DGKI: variants seen among roughly 807,000 people sequenced by gnomAD.
DGKI encodes diacylglycerol kinase iota.
In DGKI, 55 loss-of-function variants were observed where a neutral mutation model predicts 147.5. That is an observed-to-expected ratio of 0.37 (90% CI 0.30 to 0.47). The LOEUF is 0.47. Among genes scored for constraint, DGKI ranks in the 20% least tolerant of loss-of-function variants. The pLI, the probability that DGKI is intolerant of heterozygous loss-of-function variation, is 1.00. For missense variants in DGKI, 1,007 were observed against 1,323.8 expected (o/e 0.76, Z 3.71); for synonymous variants, 469 against 477.1 (o/e 0.98, Z 0.22).
chr7:137,571,593 T>C (rs1339391103), intron 18 of DGKI, among the ~76,000 whole-genome samples: 2 of 152,182 alleles, frequency 1.3e-5, no homozygotes, highest in African/African-American at 2.4e-5. Flanking sequence ...GAATTATCTA[T>C]AGGTGGTTTC....
chr7:137,493,851 A>G lies in DGKI; in HGVS notation c.2249-6162T>C, dbSNP rs139006647. On this transcript the variant is annotated intron_variant, in intron 21 of 32. Transcript: ENST00000614521. ...GTCTGAAATAGCTGAAATGACAGAA[A>G]TAGAATCAGAATATGGACAGGAATG... 7.2e-5 allele frequency: 50 copies of G among 697,152 alleles called. No homozygotes were observed. In the East Asian group the frequency reaches 1.3e-3, roughly 19 times the overall value. 43.2% of individuals were successfully genotyped at this position (697,152 alleles called of 1,614,324 possible).
At chr7:137,518,911 A>G (rs756782946) in intron 21 of DGKI, among the ~76,000 whole-genome samples, 1 of 152,092 alleles carries the variant, frequency 6.6e-6, no homozygotes, top group Non-Finnish European at 1.5e-5. Context: ...TGATTTTCTG[A>G]TATCATTATT....
chr7:137,656,064 C>T (rs960171588), intron 4 of DGKI, among the ~76,000 whole-genome samples: 1 of 152,174 alleles, frequency 6.6e-6, no homozygotes, highest in African/African-American at 2.4e-5. Context: ...TTTAGGAAGA[C>T]GTAAACCACA....
At chr7:137,409,323 C>T (rs1812077243) in intron 29 of DGKI, among the ~76,000 whole-genome samples, 1 of 152,156 alleles carries the variant, frequency 6.6e-6, no homozygotes, top group Non-Finnish European at 1.5e-5. Context: ...GTGCTAGATG[C>T]CAGGAAGATA....
At chr7:137,815,153 C>T (rs946109902) in intron 1 of DGKI, among the ~76,000 whole-genome samples, 6 of 152,068 alleles carry the variant, frequency 3.9e-5, no homozygotes, top group South Asian at 2.1e-4. Flanking sequence ...TTTCTAGAAC[C>T]TGAATTCCTT....
intron 28 of DGKI, among the ~76,000 whole-genome samples, chr7:137,414,712 GA>G (rs1812294182): frequency 6.6e-6 from 1 of 152,106 alleles, no homozygotes; most frequent in South Asian, 2.1e-4. Flanking sequence ...ATCATGCACA[GA>G]ACTCTACTAG....
intron 2 of DGKI, among the ~76,000 whole-genome samples, chr7:137,684,660 TG>T (rs1823355615): frequency 6.6e-6 from 1 of 152,234 alleles, no homozygotes; most frequent in South Asian, 2.1e-4. Context: ...AAGGTCGATT[TG>T]TCCCTTCATT....
At chr7:137,562,274 G>A (rs779196458) in intron 19 of DGKI, among the ~76,000 whole-genome samples, 18 of 152,192 alleles carry the variant, frequency 1.2e-4, no homozygotes, top group African/African-American at 1.9e-4. Context: ...AGTGGCTCAC[G>A]CCTGTAATCC....
At chr7:137,633,520 C>T (rs1483497840) in intron 6 of DGKI, among the ~76,000 whole-genome samples, 1 of 152,200 alleles carries the variant, frequency 6.6e-6, no homozygotes, top group Admixed American at 6.5e-5. Flanking sequence ...ATTGTGTTTA[C>T]ATTTCCAAAA....
intron 1 of DGKI, among the ~76,000 whole-genome samples, chr7:137,743,950 TCCA>T (rs753162924): frequency 6.9e-5 from 10 of 145,394 alleles, no homozygotes; most frequent in Non-Finnish European, 1.5e-4. Flanking sequence ...ACCACTGCAC[TCCA>T]GCCTGGGTGA....
intron 26 of DGKI, among the ~76,000 whole-genome samples, chr7:137,464,305 G>A (rs893915013): frequency 2.0e-5 from 3 of 150,642 alleles, no homozygotes; most frequent in Admixed American, 6.6e-5. Flanking sequence ...ATGACCAAGT[G>A]AGCAAAGACC....
intron 1 of DGKI, among the ~76,000 whole-genome samples, chr7:137,776,402 T>G (rs1796362540): frequency 6.6e-6 from 1 of 152,260 alleles, no homozygotes; most frequent in Non-Finnish European, 1.5e-5. Context: ...CAATTATATA[T>G]AGTTTGGTCT....
intron 19 of DGKI, among the ~76,000 whole-genome samples, chr7:137,570,777 G>A (rs879644341): frequency 1.3e-5 from 2 of 151,952 alleles, no homozygotes; most frequent in Admixed American, 1.3e-4. Flanking sequence ...TTTAGTAGAG[G>A]CAGGTTTCAC....
intron 1 of DGKI, among the ~76,000 whole-genome samples, chr7:137,827,727 A>G (rs1054576516): frequency 2.0e-5 from 3 of 152,250 alleles, no homozygotes; most frequent in African/African-American, 7.2e-5. Context: ...AGTAAAGCTC[A>G]CTTATGTGTG....
intron 1 of DGKI, among the ~76,000 whole-genome samples, chr7:137,783,479 T>C (rs1346371628): frequency 6.6e-6 from 1 of 152,224 alleles, no homozygotes; most frequent in Non-Finnish European, 1.5e-5. Context: ...TTTGAGACTA[T>C]GTTAAATGTC....
intron 23 of DGKI, among the ~76,000 whole-genome samples, chr7:137,474,921 A>C (rs1259219804): frequency 6.6e-6 from 1 of 152,186 alleles, no homozygotes; most frequent in Non-Finnish European, 1.5e-5. Flanking sequence ...CTCATTTTAA[A>C]ATGGCTACAA....
At position 137,618,151 on chromosome 7, in the gene DGKI, A is replaced by ATATATATATATATATATATTTT; in HGVS notation, c.993+1672_993+1673insAAAATATATATATATATATATA. On this transcript the variant is annotated intron_variant, in intron 8 of 32. Transcript: ENST00000614521. ...ACTATATATATATATATATATATATATTTTTTTTTTTTTACTCTATCATTC... is the reference window on the plus strand; with the variant it reads ...ACTATATATATATATATATATATATATATATATATATATATATATTTTTTTTTTTTTTTTTACTCTATCATTC... 1.6e-3 allele frequency among the ~76,000 whole-genome samples: 17 copies of ATATATATATATATATATATTTT among 10,456 alleles called. No homozygotes were observed. In the East Asian group the frequency reaches 0.022, roughly 14 times the overall value. 6.9% of individuals were successfully genotyped at this position (10,456 alleles called of 152,430 possible). A position where few individuals can be genotyped will look rare whatever the true frequency, so the allele number is the denominator to read the frequency against.
chr7:137,490,514 G>A (rs1815725645), intron 21 of DGKI, among the ~76,000 whole-genome samples: 1 of 152,122 alleles, frequency 6.6e-6, no homozygotes, highest in Non-Finnish European at 1.5e-5. Context: ...GCTAGCAGTA[G>A]TTTCGTAAGT....
intron 6 of DGKI, among the ~76,000 whole-genome samples, chr7:137,624,098 A>G (rs944163124): frequency 6.6e-6 from 1 of 152,242 alleles, no homozygotes; most frequent in Non-Finnish European, 1.5e-5. Flanking sequence ...CAAAACAAGC[A>G]GCTTTTAATT....
Sources: gnomAD v4.1 joint callset for allele counts (sites outside exome capture counted in the v4.1 genomes callset) on GRCh38, gnomAD v4.1.1 for gene constraint, MANE v1.5 for transcripts, NCBI Gene and HGNC (gene_info 2026-07-23, HGNC 2026-07-21) for gene names.